The following UBR1 variants were observed in gnomAD, a reference collection of about 807,000 sequenced individuals.
UBR1 encodes the protein E3 ubiquitin-protein ligase UBR1.
UBR1 carries 102 observed loss-of-function variants against 242.1 expected under a neutral mutation model. That is an observed-to-expected ratio of 0.42 (90% CI 0.36 to 0.50). The LOEUF is 0.50. UBR1 is among the 20% of genes least tolerant of loss of function. UBR1 has a pLI of 0.01. For missense variants in UBR1, 1,772 were observed against 2,101.8 expected (o/e 0.84, Z 3.07); for synonymous variants, 675 against 684.8 (o/e 0.99, Z 0.22).
rs745898383 is a variant in UBR1, at chr15:42,988,808, A to G, written c.3997+11T>C. On this transcript the variant is annotated intron_variant, in intron 35 of 46. Transcript: ENST00000290650. ...CTGAAACCTCCAAACCAGTTTTCTT[A>G]TGAGCTTTACCAATTGCCTGGATAG... is the stretch of plus-strand genomic sequence containing the variant. 3.7e-6 allele frequency: 6 copies of G among 1,614,180 alleles called. No individual in the cohort carries two copies. Among genetic ancestry groups the G allele is most frequent in the Non-Finnish European group, 5.1e-6 (6 of 1,180,032 alleles).
intron 39 of UBR1, 111 bp from the exon 40 acceptor site, chr15:42,970,718 G>A (rs945916991): frequency 9.9e-5 from 98 of 984,964 alleles, no homozygotes; most frequent in Non-Finnish European, 1.4e-4. Flanking sequence ...TTCAACTGAG[G>A]TTCTTTCCTT....
At chr15:43,022,673 A>G in intron 26 of UBR1, 29 bp downstream of exon 26, 2 of 1,466,986 alleles carry the variant, frequency 1.4e-6, no homozygotes, top group Non-Finnish European at 1.9e-6. Context: ...TCAATGACAA[A>G]TGTGTTGAAG....
intron 30 of UBR1, among the ~76,000 whole-genome samples, chr15:43,004,628 G>A (rs1479260523): frequency 3.3e-5 from 5 of 152,334 alleles, no homozygotes; most frequent in Admixed American, 2.6e-4. Flanking sequence ...TGATCTGCCT[G>A]CCTCAGCCTC....
Position 42,944,797 on chromosome 15 carries a change from C to T in UBR1, c.*532G>A, listed in dbSNP as rs1285246370. On this transcript the variant is annotated 3_prime_UTR_variant, in exon 47 of 47. Coordinates refer to ENST00000290650, the MANE Select transcript of UBR1 (RefSeq NM_174916.3). ...AATTTGTGGTGATAGCAGCAGGTGG[C>T]ACATTAGGGGTATTTCCTTAAAAGA... 5.9e-6 allele frequency: 1 copy of T among 169,468 alleles called. No homozygotes were observed. Among genetic ancestry groups the T allele is most frequent in the Non-Finnish European group, 1.3e-5 (1 of 78,936 alleles). The allele number at this position is 169,468 out of a possible 1,614,324, so 10.5% of individuals were successfully genotyped here.
chr15:43,040,676 A>C (rs1048999030), intron 15 of UBR1, among the ~76,000 whole-genome samples: 1 of 152,194 alleles, frequency 6.6e-6, no homozygotes, highest in Non-Finnish European at 1.5e-5. Flanking sequence ...AATGGGAGAA[A>C]ATTTTTGCAA....
At chr15:43,036,479 CA>C (rs2033337118) in intron 18 of UBR1, 48 bp downstream of exon 18, 2 of 1,393,398 alleles carry the variant, frequency 1.4e-6, no homozygotes, top group Non-Finnish European at 2.0e-6. Flanking sequence ...AGAAAGAATT[CA>C]AGAAGGAAGA....
Position 43,032,568 on chromosome 15 carries a change from C to A in UBR1, c.2254G>T (p.Gly752Cys). 2 of 1,528,608 alleles carry A rather than the reference C, an allele frequency of 1.3e-6. No homozygotes were observed. The highest frequency in any genetic ancestry group is 1.8e-6 in the Non-Finnish European group (2 of 1,107,718). The allele number at this position is 1,528,608 out of a possible 1,614,324, so 94.7% of individuals were successfully genotyped here. Residue 752 changes from glycine (G) to cysteine (C), a missense_variant and splice_region_variant, in exon 20 of 47, where the codon GGT becomes TGT. By Grantham distance (159) the Gly-to-Cys change is radical. This residue lies in a region of UBR1 where 73 missense variants were observed against 128.9 expected (regional missense o/e 0.57). Coordinates refer to ENST00000290650, the MANE Select transcript of UBR1 (RefSeq NM_174916.3). The stretch of plus-strand genomic sequence containing the variant: ...TCAAAACATTGTGTTTTAATCTTAC[C>A]CACAATATAGATGAGGACCTGAAGC... ...EMLQVLIYIV[G>C]ERYVPGVGNV... is the part of the protein sequence containing the mutation.
chr15:43,059,385 A>G (rs2033655561), intron 8 of UBR1, among the ~76,000 whole-genome samples, 193 bp from the exon 9 acceptor site: 2 of 152,140 alleles, frequency 1.3e-5, no homozygotes, highest in Non-Finnish European at 2.9e-5. Flanking sequence ...TTCTTATAAC[A>G]TTTCTCCTAA....
At chr15:43,012,070 C>CA (rs2032931201) in intron 29 of UBR1, 2 of 236,696 alleles carry the variant, frequency 8.4e-6, no homozygotes, top group East Asian at 1.2e-4. Context: ...ACTAAAAATA[C>CA]AAAAAAATTA....
chr15:43,085,919 TCAAA>T, intron 2 of UBR1, 61 bp downstream of exon 2: 1 of 1,272,110 alleles, frequency 7.9e-7, no homozygotes, highest in Non-Finnish European at 1.1e-6. Flanking sequence ...AGACTCTGTT[TCAAA>T]AAAAAAAAAA....
At chr15:43,006,924 G>C (rs1243460786) in intron 30 of UBR1, among the ~76,000 whole-genome samples, 155 bp downstream of exon 30, 3 of 152,134 alleles carry the variant, frequency 2.0e-5, no homozygotes, top group Non-Finnish European at 4.4e-5. Context: ...TTTTATATTA[G>C]ATAATATTCC....
At chr15:43,025,320 T>C (rs2033165419) in intron 24 of UBR1, 61 bp downstream of exon 24, 2 of 1,505,162 alleles carry the variant, frequency 1.3e-6, no homozygotes, top group Non-Finnish European at 1.8e-6. Context: ...ACTATATGCT[T>C]TGCTGATGTG....
chr15:43,065,823 T>G (rs373368921), intron 6 of UBR1, among the ~76,000 whole-genome samples: 10 of 152,092 alleles, frequency 6.6e-5, no homozygotes, highest in East Asian at 3.9e-4. Context: ...AGGTTGTTGG[T>G]TTTTTTTCTT....
At chr15:43,038,826 A>G (rs2033374045) in intron 15 of UBR1, among the ~76,000 whole-genome samples, 1 of 152,180 alleles carries the variant, frequency 6.6e-6, no homozygotes, top group Non-Finnish European at 1.5e-5. Flanking sequence ...AAATTAATCT[A>G]AGTATTTTTA....
At position 43,059,035 on chromosome 15, in the gene UBR1, A is replaced by C. The variant is rs775952945; in HGVS notation, c.1093+50T>G. On this transcript the variant is annotated intron_variant, in intron 9 of 46. Coordinates refer to ENST00000290650, the MANE Select transcript of UBR1 (RefSeq NM_174916.3). ...GATATTACAGCTCCACTTTAAGGTC[A>C]TAATCTTCCTTTGCTTCCTGACAAA... 3.4e-6 allele frequency: 5 copies of C among 1,455,072 alleles called. No homozygotes were observed. In the South Asian group the frequency reaches 5.7e-5, roughly 17 times the overall value. 90.1% of individuals were successfully genotyped at this position (1,455,072 alleles called of 1,614,324 possible). A position where few individuals can be genotyped will look rare whatever the true frequency, so the allele number is the denominator to read the frequency against.
chr15:43,009,117 T>C (rs934858756), intron 29 of UBR1, among the ~76,000 whole-genome samples: 4 of 152,212 alleles, frequency 2.6e-5, no homozygotes, highest in African/African-American at 9.6e-5. Flanking sequence ...CTTGCCACGT[T>C]GCAGGTGACA....
At chr15:43,013,815 A>T (rs2032961937) in intron 29 of UBR1, among the ~76,000 whole-genome samples, 1 of 152,228 alleles carries the variant, frequency 6.6e-6, no homozygotes, top group South Asian at 2.1e-4. Context: ...GCAAAATTTA[A>T]AGTGACTATT....
intron 1 of UBR1, among the ~76,000 whole-genome samples, chr15:43,088,955 A>G (rs1279552847): frequency 6.6e-6 from 1 of 150,828 alleles, no homozygotes; most frequent in African/African-American, 2.4e-5. Flanking sequence ...TGAGGTTAGG[A>G]GTTCGAGACC....
At chr15:43,081,460 C>T (rs577394716) in intron 3 of UBR1, among the ~76,000 whole-genome samples, 1 of 150,736 alleles carries the variant, frequency 6.6e-6, no homozygotes, top group South Asian at 2.1e-4. Flanking sequence ...CCTGTTGTTC[C>T]ACATCCTCAC....
Sources: gnomAD v4.1 joint callset for allele counts (sites outside exome capture counted in the v4.1 genomes callset) on GRCh38, gnomAD v4.1.1 for gene constraint, gnomAD v4.1.1 regional missense constraint, MANE v1.5 for transcripts, NCBI Gene and HGNC (gene_info 2026-07-23, HGNC 2026-07-21) for gene names.